Variants in MGAT5 observed in about 807,000 individuals in gnomAD.
MGAT5 encodes the protein alpha-1,6-mannosylglycoprotein 6-beta-N-acetylglucosaminyltransferase, also known as alpha-1,6-mannosylglycoprotein 6-beta-N-acetylglucosaminyltransferase A.
MGAT5 carries 30 observed loss-of-function variants against 94.3 expected under a neutral mutation model. The observed-to-expected ratio is 0.32, with a 90% CI of 0.24 to 0.43. The LOEUF (loss-of-function observed/expected upper bound fraction) is 0.43, where lower values mean the gene tolerates loss of function less well. Ranked by LOEUF, MGAT5 falls within the 20% of genes least tolerant of loss-of-function variation. The pLI, the probability that MGAT5 is intolerant of heterozygous loss-of-function variation, is 1.00. For synonymous variants in MGAT5, 310 were observed against 322.9 expected, an observed-to-expected ratio of 0.96 and a Z score of 0.43; for missense variants, 691 against 905.5, an observed-to-expected ratio of 0.76 and a Z score of 3.04.
At chr2:134,133,288 A>G (rs1264199033) in intron 1 of MGAT5, among the ~76,000 whole-genome samples, 1 of 152,278 alleles carries the variant, frequency 6.6e-6, no homozygotes, top group African/African-American at 2.4e-5. Context: ...CTCAGATTTA[A>G]TTGGCTCCTT....
At chr2:134,371,020 TC>T (rs144304611) in intron 10 of MGAT5, among the ~76,000 whole-genome samples, 9,663 of 152,180 alleles carry the variant, frequency 0.063, 1,038 homozygotes, top group African/African-American at 0.22. Context: ...ACTGGTCCAT[TC>T]CCTGTTTCAG....
In MGAT5 at chr2:134,412,042, G is replaced by A. The variant is rs557078883; in HGVS notation, c.1531-827G>A. 1.8e-4 allele frequency among the ~76,000 whole-genome samples: 27 copies of A among 152,300 alleles called. No homozygotes were observed. In the East Asian group the frequency reaches 2.1e-3, roughly 12 times the overall value. On this transcript the variant is annotated intron_variant, in intron 11 of 15. Coordinates refer to ENST00000281923, the MANE Select transcript of MGAT5 (RefSeq NM_002410.5). ...TGAAGTACACCCACTGTGATGGTAC[G>A]TGCCGAGGCATTTCTGTGAGCAGTT...
intron 5 of MGAT5, 121 bp from the exon 6 acceptor site, chr2:134,338,138 A>G (rs539925635): frequency 6.5e-5 from 53 of 810,616 alleles, no homozygotes; most frequent in East Asian, 6.1e-4. Context: ...GACAAGACTT[A>G]CTTTTGAAGC....
At chr2:134,140,372 A>G (rs542311191) in intron 1 of MGAT5, among the ~76,000 whole-genome samples, 184 of 152,208 alleles carry the variant, frequency 1.2e-3, no homozygotes, top group Non-Finnish European at 2.1e-3. Flanking sequence ...TCTGCTTAGA[A>G]TGGGGGACAA....
In MGAT5 at chr2:134,344,272, A is replaced by G. The variant is rs2106017417; in HGVS notation, c.978-658A>G. 2.0e-5 allele frequency among the ~76,000 whole-genome samples: 3 copies of G among 152,294 alleles called. No homozygotes were observed. In the South Asian group the frequency reaches 6.2e-4, roughly 32 times the overall value. On this transcript the variant is annotated intron_variant, in intron 7 of 15. Transcript: ENST00000281923. ...GGATGCATGGGTGGGGGAAAGGGTGATTAAAAAAAACTGTAAACCATAGTG... is the reference window on the plus strand; with the variant it reads ...GGATGCATGGGTGGGGGAAAGGGTGGTTAAAAAAAACTGTAAACCATAGTG...
intron 2 of MGAT5, among the ~76,000 whole-genome samples, chr2:134,306,147 C>T (rs1346976937): frequency 6.6e-6 from 1 of 151,936 alleles, no homozygotes; most frequent in African/African-American, 2.4e-5. Flanking sequence ...ATATATGATA[C>T]CCACGTGGAA....
intron 2 of MGAT5, among the ~76,000 whole-genome samples, chr2:134,278,798 T>G (rs1327067594): frequency 6.6e-6 from 1 of 152,198 alleles, no homozygotes. Flanking sequence ...ACACTTAACA[T>G]GTTTTTGTCC....
At chr2:134,412,119 C>G (rs1015774414) in intron 11 of MGAT5, among the ~76,000 whole-genome samples, 3 of 152,134 alleles carry the variant, frequency 2.0e-5, no homozygotes, top group Non-Finnish European at 4.4e-5. Context: ...AGCTTGTCCC[C>G]TTTGTCATCG....
chr2:134,245,749 A>C (rs1165190515), intron 1 of MGAT5, among the ~76,000 whole-genome samples: 1 of 152,166 alleles, frequency 6.6e-6, no homozygotes, highest in Non-Finnish European at 1.5e-5. Context: ...GAGGGCAGGA[A>C]GAAGAGTGCA....
At chr2:134,228,291 C>T (rs1425463150) in intron 1 of MGAT5, among the ~76,000 whole-genome samples, 2 of 152,196 alleles carry the variant, frequency 1.3e-5, no homozygotes, top group Non-Finnish European at 2.9e-5. Context: ...GAGAGTTGTT[C>T]TTAGCATTGT....
chr2:134,130,201 C>T (rs949891279), intron 1 of MGAT5, among the ~76,000 whole-genome samples: 2 of 149,384 alleles, frequency 1.3e-5, no homozygotes, highest in African/African-American at 2.5e-5. Context: ...TGCTGGAGCC[C>T]GCCCCGCCCC....
intron 10 of MGAT5, among the ~76,000 whole-genome samples, chr2:134,389,702 G>A (rs1426782718): frequency 6.6e-6 from 1 of 152,176 alleles, no homozygotes; most frequent in Non-Finnish European, 1.5e-5. Flanking sequence ...TGGCAAGCTG[G>A]TCCCATCATA....
chr2:134,162,877 C>G (rs916559563), intron 1 of MGAT5, among the ~76,000 whole-genome samples: 1 of 152,114 alleles, frequency 6.6e-6, no homozygotes, highest in South Asian at 2.1e-4. Context: ...ATGTTAAGTG[C>G]CTTGCAAACT....
intron 14 of MGAT5, among the ~76,000 whole-genome samples, chr2:134,437,000 G>A (rs1299829438): frequency 1.3e-5 from 2 of 152,124 alleles, no homozygotes; most frequent in African/African-American, 2.4e-5. Flanking sequence ...CTTTTGTTTT[G>A]TTTTTTGACA....
intron 15 of MGAT5, among the ~76,000 whole-genome samples, chr2:134,445,744 A>G (rs1685736511): frequency 1.3e-5 from 2 of 152,296 alleles, no homozygotes; most frequent in South Asian, 4.1e-4. Flanking sequence ...GGGGTCTCTG[A>G]GCAGGAGGAT....
intron 1 of MGAT5, among the ~76,000 whole-genome samples, chr2:134,123,375 C>T (rs1685701524): frequency 6.6e-6 from 1 of 152,190 alleles, no homozygotes; most frequent in African/African-American, 2.4e-5. Flanking sequence ...TGGGCAGTGA[C>T]TAGTGTACCC....
At chr2:134,362,240 A>G in intron 9 of MGAT5, 35 bp from the exon 10 acceptor site, 1 of 1,601,544 alleles carries the variant, frequency 6.2e-7, no homozygotes, top group South Asian at 1.1e-5. Context: ...TGCTGATTGG[A>G]CACTAACTGT....
chr2:134,323,216 C>G (rs1188026374), intron 4 of MGAT5, among the ~76,000 whole-genome samples: 1 of 152,102 alleles, frequency 6.6e-6, no homozygotes, highest in Non-Finnish European at 1.5e-5. Flanking sequence ...TAAAATACCC[C>G]CACAGCTGTT....
At chr2:134,348,129 A>C (rs992899113) in intron 8 of MGAT5, among the ~76,000 whole-genome samples, 3 of 152,202 alleles carry the variant, frequency 2.0e-5, no homozygotes, top group Admixed American at 1.3e-4. Context: ...AATATAAGTT[A>C]AGAAATGGGT....
Sources: gnomAD v4.1 joint callset for allele counts (sites outside exome capture counted in the v4.1 genomes callset) on GRCh38, gnomAD v4.1.1 for gene constraint, MANE v1.5 for transcripts, NCBI Gene and HGNC (gene_info 2026-07-23, HGNC 2026-07-21) for gene names.